The following ANP32E variants were observed in gnomAD, a reference collection of about 807,000 sequenced individuals.
The protein encoded by ANP32E is acidic leucine-rich nuclear phosphoprotein 32 family member E.
Under a neutral mutation model 35.3 loss-of-function variants are expected in ANP32E, and 14 were observed. The observed-to-expected ratio is 0.40, with a 90% CI of 0.26 to 0.62. The LOEUF (loss-of-function observed/expected upper bound fraction) is 0.62, where lower values mean the gene tolerates loss of function less well. ANP32E is among the 20% of genes least tolerant of loss of function. ANP32E has a pLI of 0.45. For missense variants in ANP32E, 198 were observed against 304.4 expected (o/e 0.65, Z 2.60); for synonymous variants, 89 against 110.4 (o/e 0.81, Z 1.22).
intron 5 of ANP32E, 159 bp from the exon 6 acceptor site, chr1:150,223,399 G>A: frequency 2.1e-6 from 2 of 955,364 alleles, no homozygotes; most frequent in Non-Finnish European, 3.0e-6. Flanking sequence ...CTAACTAAAG[G>A]GCCGGGCGCG....
chr1:150,227,986 C>T (rs964481087), intron 4 of ANP32E, among the ~76,000 whole-genome samples: 7 of 151,428 alleles, frequency 4.6e-5, no homozygotes, highest in Non-Finnish European at 7.4e-5. Flanking sequence ...CTCCCATTTT[C>T]GTCTCCCCCA....
At chr1:150,229,262 C>G in intron 3 of ANP32E, 25 bp from the exon 4 acceptor site, 1 of 915,988 alleles carries the variant, frequency 1.1e-6, no homozygotes, top group Non-Finnish European at 1.6e-6. Context: ...TTAAAACTTA[C>G]ATTCAAGATT....
intron 6 of ANP32E, among the ~76,000 whole-genome samples, chr1:150,222,098 G>GAAATA (rs56336280): frequency 0.016 from 2,299 of 147,666 alleles, 24 homozygotes; most frequent in East Asian, 0.029. Context: ...ACAATAAAAT[G>GAAATA]AAATAAAATA....
chr1:150,226,847 T>C, intron 4 of ANP32E, 52 bp from the exon 5 acceptor site: 5 of 1,549,016 alleles, frequency 3.2e-6, no homozygotes, highest in Non-Finnish European at 3.5e-6. Flanking sequence ...TGTTTCTTCC[T>C]AGGATGTTGA....
chr1:150,230,755 T>TTTC, intron 2 of ANP32E, 62 bp from the exon 3 acceptor site: 1 of 1,534,568 alleles, frequency 6.5e-7, no homozygotes, highest in East Asian at 2.3e-5. Flanking sequence ...ACTTTTTTTT[T>TTTC]TTTTGAAATG....
chr1:150,233,094 G>A lies in ANP32E; in HGVS notation c.55-1168C>T, dbSNP rs12401801. ...AGCCTGGCCAACATAGTGAAACCCCGTCCCTACTAAAAATACAAAAATCAG... is the reference window on the plus strand; with the variant it reads ...AGCCTGGCCAACATAGTGAAACCCCATCCCTACTAAAAATACAAAAATCAG... On this transcript the variant is annotated intron_variant, in intron 1 of 6. Coordinates refer to ENST00000583931, the MANE Select transcript of ANP32E (RefSeq NM_030920.5). 1.3e-4 allele frequency among the ~76,000 whole-genome samples: 19 copies of A among 151,542 alleles called. 1 individual carries two copies. In the East Asian group the frequency reaches 2.0e-3, roughly 16 times the overall value.
At chr1:150,229,373 C>A (rs587631303) in intron 3 of ANP32E, 136 bp from the exon 4 acceptor site, 2 of 572,772 alleles carry the variant, frequency 3.5e-6, no homozygotes, top group Non-Finnish European at 5.9e-6. Flanking sequence ...TCTCTGCTCA[C>A]TGCAACCTCC....
chr1:150,221,812 T>C (rs1354750018), intron 6 of ANP32E, among the ~76,000 whole-genome samples: 2 of 152,144 alleles, frequency 1.3e-5, no homozygotes, highest in Non-Finnish European at 2.9e-5. Flanking sequence ...AAAATTATTT[T>C]GAGGCTGGGT....
intron 5 of ANP32E, 27 bp downstream of exon 5, chr1:150,226,581 C>T (rs782732329): frequency 6.2e-7 from 1 of 1,604,940 alleles, no homozygotes; most frequent in Admixed American, 1.8e-5. Context: ...AATTAATTTT[C>T]AGTGCAGGTA....
In ANP32E at chr1:150,231,656, C is replaced by T. The variant is rs587741225; in HGVS notation, c.204+121G>A. 51 of 737,930 alleles carry T rather than the reference C, an allele frequency of 6.9e-5. 1 individual carries two copies. In the African/African-American group the frequency reaches 2.9e-3, roughly 42 times the overall value. 45.7% of individuals were successfully genotyped at this position (737,930 alleles called of 1,614,324 possible). On this transcript the variant is annotated intron_variant, in intron 2 of 6. Coordinates refer to ENST00000583931, the MANE Select transcript of ANP32E (RefSeq NM_030920.5). ...TTCTCAAAATCCTATATAACTTTTT[C>T]TTATCTCTAGAAACTTAAAAACTTC...
chr1:150,230,611 C>T lies in ANP32E; in HGVS notation c.287G>A (p.Ser96Asn). Residue 96 changes from serine to asparagine, a missense_variant, in exon 3 of 7, where the codon AGT becomes AAT. Coordinates refer to ENST00000583931, the MANE Select transcript of ANP32E (RefSeq NM_030920.5). ...ACTGAGATCTTTTATTTTGTTTCCA[C>T]TCAGATTGAGGTAGGTAAGATTTGG... Reference protein sequence around the residue: ...KCPNLTYLNLSGNKIKDLSTV... With the variant: ...KCPNLTYLNLNGNKIKDLSTV... 6.2e-7 allele frequency: 1 copy of T among 1,613,608 alleles called. No individual in the cohort carries two copies. The highest frequency in any genetic ancestry group is 8.5e-7 in the Non-Finnish European group (1 of 1,179,720).
At chr1:150,226,007 GTTTTTTTT>G (rs34846816) in intron 5 of ANP32E, among the ~76,000 whole-genome samples, 1 of 138,362 alleles carries the variant, frequency 7.2e-6, no homozygotes, top group African/African-American at 2.7e-5. Context: ...GATATAACCT[GTTTTTTTT>G]TTTTTTTTGA....
At position 150,235,466 on chromosome 1, in the gene ANP32E, G is replaced by T. The variant is rs1318380603; in HGVS notation, c.54+267C>A. On this transcript the variant is annotated intron_variant, in intron 1 of 6. Transcript: ENST00000583931. The surrounding 1 kb of genome is among the most constrained non-coding windows in gnomAD (Gnocchi z 4.2). ...ACCAGCCCGCTTCCCGCCCCCACGA[G>T]GTCAGGACGCCCGACTCGATGAAAG... Among the ~76,000 whole-genome samples the T allele has an allele frequency of 2.0e-5, 3 of 152,222 alleles. No individual in the cohort carries two copies. Among genetic ancestry groups the T allele is most frequent in the African/African-American group, 7.2e-5 (3 of 41,468 alleles).
intron 5 of ANP32E, 94 bp from the exon 6 acceptor site, chr1:150,223,334 G>C (rs782399363): frequency 4.1e-6 from 6 of 1,451,870 alleles, no homozygotes; most frequent in Non-Finnish European, 5.6e-6. Context: ...AAGAAACTAT[G>C]GTTATTCTGT....
chr1:150,229,035 T>C, intron 4 of ANP32E, 37 bp downstream of exon 4: 1 of 1,582,416 alleles, frequency 6.3e-7, no homozygotes, highest in Non-Finnish European at 8.6e-7. Context: ...GCAGAGGCTA[T>C]AATTATGACA....
Position 150,236,029 on chromosome 1 carries a change from C to A in ANP32E, c.-243G>T. 1 of 535,398 alleles carries A rather than the reference C, an allele frequency of 1.9e-6. No individual in the cohort carries two copies. The highest frequency in any genetic ancestry group is 3.3e-5 in the East Asian group (1 of 30,654). 33.2% of individuals were successfully genotyped at this position (535,398 alleles called of 1,614,324 possible). On this transcript the variant is annotated 5_prime_UTR_variant, in exon 1 of 7. Transcript: ENST00000583931. ...CCACACACTAGCGCGCGCACACACA[C>A]GCACGCACGCGCGCACACACATACA...
At position 150,235,239 on chromosome 1, in the gene ANP32E, C is replaced by T. The variant is rs1429605664; in HGVS notation, c.54+494G>A. 4.6e-5 allele frequency among the ~76,000 whole-genome samples: 7 copies of T among 152,224 alleles called. No individual in the cohort carries two copies. Among genetic ancestry groups the T allele is most frequent in the Non-Finnish European group, 1.0e-4 (7 of 68,036 alleles). On this transcript the variant is annotated intron_variant, in intron 1 of 6. Transcript: ENST00000583931. The surrounding 1 kb of genome is among the most constrained non-coding windows in gnomAD (Gnocchi z 4.2). ...CCTGCAAGCGACCCCAGCCCGCGCC[C>T]GTCGCGACGTCGGACGCCCAGGGCC... is the stretch of plus-strand genomic sequence containing the variant.
chr1:150,220,837 G>A (rs1553837533), intron 6 of ANP32E, 76 bp from the exon 7 acceptor site: 34 of 1,371,222 alleles, frequency 2.5e-5, no homozygotes, highest in Non-Finnish European at 3.1e-6. Flanking sequence ...GAATCTTAGT[G>A]AAAAGTTAAT....
Position 150,235,375 on chromosome 1 carries a change from G to C in ANP32E, c.54+358C>G, listed in dbSNP as rs950317595. Among the ~76,000 whole-genome samples, 3 of 152,162 alleles carry C rather than the reference G, an allele frequency of 2.0e-5. No homozygotes were observed. The highest frequency in any genetic ancestry group is 2.0e-4 in the Admixed American group (3 of 15,276). ...GCGGCAGGGGCTGAGTGGGACTGGG[G>C]GGTCGCGCCCACGCCGCCGGCCCCC... is the stretch of plus-strand genomic sequence containing the variant. On this transcript the variant is annotated intron_variant, in intron 1 of 6. Coordinates refer to ENST00000583931, the MANE Select transcript of ANP32E (RefSeq NM_030920.5). This position sits in a 1 kb window ranked among gnomAD's most constrained non-coding sequence, Gnocchi z 4.2.
Sources: gnomAD v4.1 joint callset for allele counts (sites outside exome capture counted in the v4.1 genomes callset) on GRCh38, gnomAD v4.1.1 for gene constraint, Gnocchi (gnomAD v3.1) non-coding constraint, MANE v1.5 for transcripts, NCBI Gene and HGNC (gene_info 2026-07-23, HGNC 2026-07-21) for gene names.